KNDC1: variants seen among roughly 807,000 people sequenced by gnomAD.
KNDC1 encodes kinase non-catalytic C-lobe domain-containing protein 1.
A neutral mutation model predicts 172.8 loss-of-function variants in KNDC1; 106 were observed. The ratio of observed to expected loss-of-function variants is 0.61; its 90% CI spans 0.52 to 0.72. The LOEUF is 0.72. KNDC1 is among the 30% of genes least tolerant of loss of function. KNDC1 has a pLI of 0.00. For missense variants in KNDC1, 2,325 were observed against 2,394.5 expected (o/e 0.97, Z 0.61); for synonymous variants, 1,083 against 1,062.2 (o/e 1.02, Z -0.38).
chr10:133,164,821 G>C (rs570473917), intron 1 of KNDC1, among the ~76,000 whole-genome samples: 2 of 152,148 alleles, frequency 1.3e-5, no homozygotes, highest in East Asian at 3.9e-4. Context: ...GGGATGTGGC[G>C]GGGGGAGCCC....
In KNDC1 at chr10:133,183,357, C is replaced by G. The variant is rs778691436; in HGVS notation, c.374C>G (p.Ser125Cys). Residue 125 changes from serine (S) to cysteine (C), a missense_variant, in exon 4 of 30, where the codon TCT becomes TGT. By Grantham distance (112) the Ser-to-Cys change is moderately radical (BLOSUM62 -1). Transcript: ENST00000304613. ...TGNTFEAHIY[S>C]LGATLKAALE... ...TCGTGCCCACAGGCGCACATCTACTCTCTGGGGGCCACGCTGAAGGCCGCC... is the reference window on the plus strand; with the variant it reads ...TCGTGCCCACAGGCGCACATCTACTGTCTGGGGGCCACGCTGAAGGCCGCC... The G allele has an allele frequency of 1.9e-6, 3 of 1,596,470 alleles. No individual in the cohort carries two copies. In the South Asian group the frequency reaches 3.4e-5, roughly 18 times the overall value.
At chr10:133,184,181 C>T (rs1357959405) in intron 5 of KNDC1, among the ~76,000 whole-genome samples, 192 bp downstream of exon 5, 5 of 144,830 alleles carry the variant, frequency 3.5e-5, no homozygotes, top group East Asian at 4.0e-4. Flanking sequence ...CCTATGCACA[C>T]ACACACCTAT....
chr10:133,182,232 TCTCA>T (rs1853739276), intron 3 of KNDC1, among the ~76,000 whole-genome samples: 1 of 151,510 alleles, frequency 6.6e-6, no homozygotes, highest in Non-Finnish European at 1.5e-5. Flanking sequence ...GGGAGGTGGG[TCTCA>T]GGGTTCTGTG....
At chr10:133,188,429 C>T in intron 6 of KNDC1, 110 bp from the exon 7 acceptor site, 1 of 684,310 alleles carries the variant, frequency 1.5e-6, no homozygotes, top group Admixed American at 2.4e-5. Flanking sequence ...GGGGCGCCTA[C>T]TCAGGGGCTG....
intron 5 of KNDC1, 117 bp from the exon 6 acceptor site, chr10:133,185,852 GGGAGA>G (rs372058060): frequency 3.6e-4 from 115 of 316,972 alleles, no homozygotes; most frequent in East Asian, 9.7e-4. Context: ...GGGAGGGGAG[GGGAGA>G]GGTGGGAGGG....
intron 3 of KNDC1, among the ~76,000 whole-genome samples, chr10:133,175,515 C>T (rs905829502): frequency 8.2e-6 from 1 of 121,350 alleles, no homozygotes; most frequent in African/African-American, 3.2e-5. Flanking sequence ...TGAACAGGCA[C>T]ATGGATGGGT....
At position 133,199,183 on chromosome 10, in the gene KNDC1, C is replaced by T. The variant is rs373908944; in HGVS notation, c.2675C>T (p.Ser892Leu). 37 of 1,594,922 alleles carry T rather than the reference C, an allele frequency of 2.3e-5. No homozygotes were observed. In the African/African-American group the frequency reaches 2.7e-4, roughly 12 times the overall value. The change falls in exon 14 of 30, where the codon TCG becomes TTG. Residue 892 changes from serine (S) to leucine (L), a missense_variant. Ser to Leu is a moderately radical substitution (Grantham distance 145). Transcript: ENST00000304613. ...SPLPGRTACP[S>L]LQEATRLIQE... is the part of the protein sequence containing the mutation. ...CTCCCAGGGAGGACGGCCTGCCCGT[C>T]GCTGCAGGAGGCCACGCGCCTCATC...
chr10:133,185,912 CGGGAG>C, intron 5 of KNDC1, 57 bp from the exon 6 acceptor site: 1 of 450,614 alleles, frequency 2.2e-6, no homozygotes, highest in Non-Finnish European at 3.1e-6. Context: ...AGGGGAGGGG[CGGGAG>C]GAGAGGGGAG....
chr10:133,168,934 T>C (rs572607288), intron 3 of KNDC1, among the ~76,000 whole-genome samples: 10 of 152,318 alleles, frequency 6.6e-5, no homozygotes, highest in Non-Finnish European at 1.5e-4. Context: ...GGTCAGCACC[T>C]GTGTGGCCGG....
At chr10:133,219,928 C>A in intron 28 of KNDC1, 27 bp from the exon 29 acceptor site, 1 of 1,543,016 alleles carries the variant, frequency 6.5e-7, no homozygotes, top group South Asian at 1.2e-5. Context: ...TGTCTCTCCC[C>A]GGCCCACGCC....
In KNDC1 at chr10:133,201,875, G is replaced by T. The variant is rs369397796; in HGVS notation, c.3364G>T (p.Ala1122Ser). The T allele has an allele frequency of 4.6e-5, 68 of 1,472,882 alleles. No homozygotes were observed. Among genetic ancestry groups the T allele is most frequent in the Middle Eastern group, 1.8e-4 (1 of 5,572 alleles). 91.2% of individuals were successfully genotyped at this position (1,472,882 alleles called of 1,614,324 possible). ...KDLGRQQADG[A>S]LPDAQSPELE... ...CCTGGGGCGGCAGCAGGCGGACGGG[G>T]CCCTGCCCGACGCCCAGAGCCCGGT... The change falls in exon 17 of 30, where the codon GCC becomes TCC. Residue 1122 changes from alanine (A) to serine (S), a missense_variant. Transcript: ENST00000304613.
intron 26 of KNDC1, among the ~76,000 whole-genome samples, chr10:133,217,665 C>A (rs1436141350): frequency 6.6e-6 from 1 of 151,902 alleles, no homozygotes; most frequent in Non-Finnish European, 1.5e-5. Flanking sequence ...ATGGTGAAAC[C>A]CCATCTCTAC....
chr10:133,160,426 C>A lies in KNDC1; in HGVS notation c.-42C>A. ...CGCGCGTAGCCGAGCCCAGCCCAGC[C>A]CAGCCGGAGGCCCCGGGGGCGGTGC... is the stretch of plus-strand genomic sequence containing the variant. On this transcript the variant is annotated 5_prime_UTR_variant, in exon 1 of 30. Coordinates refer to ENST00000304613, the MANE Select transcript of KNDC1 (RefSeq NM_152643.8). 1 of 1,368,746 alleles carries A rather than the reference C, an allele frequency of 7.3e-7. No homozygotes were observed. Among genetic ancestry groups the A allele is most frequent in the Non-Finnish European group, 9.7e-7 (1 of 1,030,226 alleles). 84.8% of individuals were successfully genotyped at this position (1,368,746 alleles called of 1,614,324 possible).
rs1452850723 is a variant in KNDC1, at chr10:133,209,086, G to T, written c.3795-1525G>T. 6.6e-6 allele frequency among the ~76,000 whole-genome samples: 1 copy of T among 151,316 alleles called. No homozygotes were observed. The highest frequency in any genetic ancestry group is 1.5e-5 in the Non-Finnish European group (1 of 67,842). On this transcript the variant is annotated intron_variant, in intron 20 of 29. Coordinates refer to ENST00000304613, the MANE Select transcript of KNDC1 (RefSeq NM_152643.8). The surrounding 1 kb of genome is among the most constrained non-coding windows in gnomAD (Gnocchi z 4.9). ...GTGTGCATGTGTGGGGTGATGTGTG[G>T]CTTGCGTGCCCATGTATGGTGTGTG...
At chr10:133,162,799 G>A (rs564173718) in intron 1 of KNDC1, among the ~76,000 whole-genome samples, 1 of 152,254 alleles carries the variant, frequency 6.6e-6, no homozygotes, top group East Asian at 1.9e-4. Flanking sequence ...GCATTCGCTG[G>A]TGAAGTAGAA....
At chr10:133,189,453 G>A in intron 7 of KNDC1, 145 bp from the exon 8 acceptor site, 2 of 736,892 alleles carry the variant, frequency 2.7e-6, no homozygotes, top group Non-Finnish European at 4.6e-6. Context: ...GTCAGGCCAT[G>A]TGCGTGCACT....
At position 133,163,212 on chromosome 10, in the gene KNDC1, C is replaced by T. The variant is rs1243783218; in HGVS notation, c.102+2643C>T. 1.3e-5 allele frequency among the ~76,000 whole-genome samples: 2 copies of T among 152,152 alleles called. No homozygotes were observed. Among genetic ancestry groups the T allele is most frequent in the South Asian group, 2.1e-4 (1 of 4,828 alleles). ...CTGCCCCATGGGAATTCAGATGAGA[C>T]GAAGAGGGTGCACCGGTTTGGGTGC... On this transcript the variant is annotated intron_variant, in intron 1 of 29. Transcript: ENST00000304613. This position sits in a 1 kb window ranked among gnomAD's most constrained non-coding sequence, Gnocchi z 4.4.
chr10:133,172,924 GC>G (rs1853419863), intron 3 of KNDC1, among the ~76,000 whole-genome samples: 1 of 152,254 alleles, frequency 6.6e-6, no homozygotes, highest in East Asian at 1.9e-4. Context: ...GACTGCGTGG[GC>G]CCAGGAGTTC....
At chr10:133,214,868 C>T (rs1328069967) in intron 26 of KNDC1, among the ~76,000 whole-genome samples, 4 of 152,210 alleles carry the variant, frequency 2.6e-5, no homozygotes, top group East Asian at 1.9e-4. Context: ...GTCACTGCCT[C>T]GACCAGCTCA....
Sources: allele counts gnomAD v4.1 joint callset (sites outside exome capture counted in the v4.1 genomes callset), GRCh38; gene constraint gnomAD v4.1.1; non-coding constraint Gnocchi (gnomAD v3.1); transcripts MANE v1.5; gene names NCBI Gene and HGNC (gene_info 2026-07-23, HGNC 2026-07-21).